The following NUP93 variants were observed in gnomAD, a reference collection of about 807,000 sequenced individuals.
NUP93 encodes the protein nucleoporin 93.
NUP93 carries 55 observed loss-of-function variants against 107.8 expected under a neutral mutation model. The observed-to-expected ratio is 0.51, with a 90% CI of 0.41 to 0.64. NUP93 has a LOEUF of 0.64. Ranked by LOEUF, NUP93 falls within the 30% of genes least tolerant of loss-of-function variation. The pLI, the probability that NUP93 is intolerant of heterozygous loss-of-function variation, is 0.00. For synonymous variants in NUP93, 390 were observed against 397.5 expected (o/e 0.98, Z 0.22); for missense variants, 937 against 1,044.7 (o/e 0.90, Z 1.42).
In NUP93 at chr16:56,835,316, AATCTCCCTGT is replaced by A. The variant is rs1471703078; in HGVS notation, c.1782+539_1782+548del. ...TTGTCAGAGACCAGTCATGACCCTG[AATCTCCCTGT>A]GGCCCTTGGAAAGTCACTTGTCCCT... On this transcript the variant is annotated intron_variant, in intron 16 of 21. Coordinates refer to ENST00000308159, the MANE Select transcript of NUP93 (RefSeq NM_014669.5). Among the ~76,000 whole-genome samples the A allele has an allele frequency of 3.3e-5, 5 of 152,322 alleles. No homozygotes were observed. The East Asian group carries it at 9.6e-4, about 29-fold the overall frequency.
At chr16:56,817,181 G>C (rs1234709924) in intron 5 of NUP93, among the ~76,000 whole-genome samples, 5 of 152,172 alleles carry the variant, frequency 3.3e-5, no homozygotes, top group African/African-American at 9.7e-5. Flanking sequence ...ACCTAGGATA[G>C]CCCCTTCATT....
chr16:56,758,852 G>A (rs1170185681), intron 3 of NUP93, among the ~76,000 whole-genome samples, 197 bp downstream of exon 3: 2 of 152,218 alleles, frequency 1.3e-5, no homozygotes, highest in African/African-American at 4.8e-5. Flanking sequence ...TCTCTGTGTG[G>A]CTGAATTTAA....
At chr16:56,780,941 G>C (rs1456660837) in intron 3 of NUP93, among the ~76,000 whole-genome samples, 1 of 152,130 alleles carries the variant, frequency 6.6e-6, no homozygotes, top group Non-Finnish European at 1.5e-5. Flanking sequence ...CTCTGTCTTT[G>C]CTTTTTCACA....
intron 1 of NUP93, among the ~76,000 whole-genome samples, chr16:56,735,967 G>A (rs970568813): frequency 1.3e-5 from 2 of 152,198 alleles, no homozygotes; most frequent in Non-Finnish European, 2.9e-5. Context: ...CTGGCCTTAG[G>A]TGGTAGTGAT....
At chr16:56,791,106 AC>A (rs1962752957) in intron 3 of NUP93, among the ~76,000 whole-genome samples, 1 of 152,182 alleles carries the variant, frequency 6.6e-6, no homozygotes. Flanking sequence ...TTTATGTCAT[AC>A]CAGATACCTT....
intron 2 of NUP93, among the ~76,000 whole-genome samples, chr16:56,754,044 A>T (rs1343683627): frequency 6.6e-6 from 1 of 151,638 alleles, no homozygotes; most frequent in Non-Finnish European, 1.5e-5. Context: ...GGAAGCGTGG[A>T]TGGGGAGGTC....
chr16:56,832,302 A>G lies in NUP93; in HGVS notation c.1259A>G (p.Gln420Arg). Reference protein sequence around the residue: ...TEDYLWLKLNQVCFDDDGTSS... With the variant: ...TEDYLWLKLNRVCFDDDGTSS... Reference sequence around the variant, plus strand: ...TTTCTCTTGGGGATTTAGTTGAACCAAGTGTGTTTTGACGACGATGGCACC... The same window carrying G: ...TTTCTCTTGGGGATTTAGTTGAACCGAGTGTGTTTTGACGACGATGGCACC... The change falls in exon 12 of 22, where the codon CAA becomes CGA. Residue 420 changes from glutamine (Q) to arginine (R), a missense_variant. Physicochemically the swap from Gln to Arg is conservative, Grantham distance 43. Coordinates refer to ENST00000308159, the MANE Select transcript of NUP93 (RefSeq NM_014669.5). 2 of 1,613,934 alleles carry G rather than the reference A, an allele frequency of 1.2e-6. No homozygotes were observed. Among genetic ancestry groups the G allele is most frequent in the East Asian group, 2.2e-5 (1 of 44,886 alleles).
chr16:56,759,393 G>C (rs530939340), intron 3 of NUP93, among the ~76,000 whole-genome samples: 2 of 152,222 alleles, frequency 1.3e-5, no homozygotes, highest in Admixed American at 6.5e-5. Flanking sequence ...AGTAGAAATG[G>C]GCAATATTAT....
intron 10 of NUP93, 48 bp from the exon 11 acceptor site, chr16:56,831,794 G>A (rs1282014008): frequency 3.2e-6 from 5 of 1,583,628 alleles, no homozygotes; most frequent in Middle Eastern, 1.7e-4. Flanking sequence ...TGCCCTTGAG[G>A]ATTTTTATTG....
intron 3 of NUP93, among the ~76,000 whole-genome samples, chr16:56,787,337 C>T (rs1244943487): frequency 1.3e-5 from 2 of 152,218 alleles, no homozygotes; most frequent in African/African-American, 4.8e-5. Context: ...TGATTTTCGA[C>T]TGCAGTGTAA....
chr16:56,780,606 A>G (rs957415455), intron 3 of NUP93, among the ~76,000 whole-genome samples: 2 of 152,230 alleles, frequency 1.3e-5, no homozygotes, highest in Non-Finnish European at 2.9e-5. Context: ...TTTTAAAGGA[A>G]CAATGTAAGT....
intron 6 of NUP93, 145 bp from the exon 7 acceptor site, chr16:56,821,358 TG>T (rs2144609423): frequency 3.6e-6 from 2 of 557,976 alleles, no homozygotes; most frequent in Non-Finnish European, 6.5e-6. Flanking sequence ...CCAACGCAAC[TG>T]GGGAGCTGGC....
intron 19 of NUP93, chr16:56,839,291 A>C: frequency 2.4e-6 from 1 of 417,046 alleles, no homozygotes; most frequent in Non-Finnish European, 4.1e-6. Flanking sequence ...ATCTGAAAAC[A>C]GAGAAGTTTC....
intron 1 of NUP93, among the ~76,000 whole-genome samples, chr16:56,745,200 G>A (rs559335345): frequency 1.2e-4 from 18 of 152,286 alleles, no homozygotes; most frequent in African/African-American, 4.1e-4. Flanking sequence ...GAGTGTTTCT[G>A]GGGGAGGAGC....
At chr16:56,813,462 C>G (rs1417386503) in intron 5 of NUP93, among the ~76,000 whole-genome samples, 3 of 152,204 alleles carry the variant, frequency 2.0e-5, no homozygotes, top group Non-Finnish European at 2.9e-5. Flanking sequence ...GGGATGGACC[C>G]AGTTCACCTG....
At chr16:56,797,620 C>G (rs554876584) in intron 3 of NUP93, among the ~76,000 whole-genome samples, 5 of 152,334 alleles carry the variant, frequency 3.3e-5, no homozygotes, top group Non-Finnish European at 7.3e-5. Context: ...CTGGGCATCT[C>G]TTTCACTAAT....
At position 56,748,318 on chromosome 16, in the gene NUP93, CAG is replaced by C. The variant is rs1285784621; in HGVS notation, c.74_75del (p.Glu25AlafsTer45). ...CTTGCTGCTGAGACTGAGGGCATCT[CAG>C]AGCTTCCCCATGTGGAACGGAACTT... is the stretch of plus-strand genomic sequence containing the variant. On this transcript the variant is annotated frameshift_variant, in exon 2 of 22. Coordinates refer to ENST00000308159, the MANE Select transcript of NUP93 (RefSeq NM_014669.5). LOFTEE classifies it high-confidence loss of function. 5 of 1,614,024 alleles carry C rather than the reference CAG, an allele frequency of 3.1e-6. No homozygotes were observed. Among genetic ancestry groups the C allele is most frequent in the Non-Finnish European group, 2.5e-6 (3 of 1,179,988 alleles).
chr16:56,847,546 A>G lies in NUP93; in HGVS notation c.*2937A>G, dbSNP rs915302466. On this transcript the variant is annotated 3_prime_UTR_variant, in exon 22 of 22. Coordinates refer to ENST00000308159, the MANE Select transcript of NUP93 (RefSeq NM_014669.5). ...TCTCAGAATGGCTCATAATAAACTC[A>G]CTGAAACACTCAAAGGAAAGTACTG... The G allele has an allele frequency of 3.3e-5, 5 of 152,162 alleles. No individual in the cohort carries two copies. Among genetic ancestry groups the G allele is most frequent in the African/African-American group, 1.2e-4 (5 of 41,430 alleles). 9.4% of individuals were successfully genotyped at this position (152,162 alleles called of 1,614,324 possible). A position where few individuals can be genotyped will look rare whatever the true frequency, so the allele number is the denominator to read the frequency against.
intron 3 of NUP93, among the ~76,000 whole-genome samples, chr16:56,784,701 A>G (rs1962587961): frequency 6.6e-6 from 1 of 152,246 alleles, no homozygotes; most frequent in Non-Finnish European, 1.5e-5. Context: ...TTTACCATGA[A>G]GAATTTGCTC....
Sources: gnomAD v4.1 joint callset for allele counts (sites outside exome capture counted in the v4.1 genomes callset) on GRCh38, gnomAD v4.1.1 for gene constraint, MANE v1.5 for transcripts, NCBI Gene and HGNC (gene_info 2026-07-23, HGNC 2026-07-21) for gene names.